ENTPD2: variants seen among roughly 807,000 people sequenced by gnomAD.
ENTPD2 encodes the protein CD39 antigen-like 1.
In ENTPD2, 48 loss-of-function variants were observed where a neutral mutation model predicts 46.8. The observed-to-expected ratio is 1.03, with a 90% confidence interval of 0.81 to 1.30. The LOEUF (loss-of-function observed/expected upper bound fraction) is 1.30, where lower values mean the gene tolerates loss of function less well. Ranked by LOEUF, ENTPD2 falls within the 50% of genes most tolerant of loss-of-function variation. The pLI is 0.00. For missense variants in ENTPD2, 707 were observed against 651.1 expected, an observed-to-expected ratio of 1.09 and a Z score of -0.93; for synonymous variants, 316 against 286.1, an observed-to-expected ratio of 1.10 and a Z score of -1.06.
chr9:137,049,809 C>T, intron 7 of ENTPD2, 61 bp downstream of exon 7: 4 of 1,547,130 alleles, frequency 2.6e-6, no homozygotes, highest in South Asian at 1.2e-5. Flanking sequence ...GCTGGGGAGG[C>T]ATGCGGAGGC....
rs1212911290 is a variant in ENTPD2, at chr9:137,049,669, G to C, written c.1149+201C>G. The C allele has an allele frequency of 8.5e-6, 5 of 587,182 alleles. No individual in the cohort carries two copies. The East Asian group carries it at 1.6e-4, about 19-fold the overall frequency. 36.4% of individuals were successfully genotyped at this position (587,182 alleles called of 1,614,324 possible). ...CAGATCTGGGATGAGGGTCGGGCCTGGCGAAGCTTCTCCAACCCGCCCGAC... is the reference window on the plus strand; with the variant it reads ...CAGATCTGGGATGAGGGTCGGGCCTCGCGAAGCTTCTCCAACCCGCCCGAC... On this transcript the variant is annotated intron_variant, in intron 7 of 8. Coordinates refer to ENST00000355097, the MANE Select transcript of ENTPD2 (RefSeq NM_203468.3).
intron 1 of ENTPD2, 57 bp downstream of exon 1, chr9:137,053,824 C>T: frequency 8.8e-7 from 1 of 1,141,222 alleles, no homozygotes; most frequent in Non-Finnish European, 1.1e-6. Flanking sequence ...ACCCCCTCCC[C>T]GGCTCCAAGC....
At chr9:137,052,436 G>T in intron 1 of ENTPD2, 88 bp from the exon 2 acceptor site, 2 of 1,016,802 alleles carry the variant, frequency 2.0e-6, no homozygotes, top group Non-Finnish European at 2.8e-6. Context: ...CCTCCAGTTT[G>T]CCACCGCTCC....
chr9:137,049,274 TC>T, intron 7 of ENTPD2, 199 bp from the exon 8 acceptor site: 1 of 912,610 alleles, frequency 1.1e-6, no homozygotes, highest in Non-Finnish European at 1.7e-6. Flanking sequence ...CTTCCATCCC[TC>T]CCCAGCCAGC....
At position 137,048,860 on chromosome 9, in the gene ENTPD2, C is replaced by T; in HGVS notation, c.1285G>A (p.Ala429Thr). 3 of 1,533,396 alleles carry T rather than the reference C, an allele frequency of 2.0e-6. No individual in the cohort carries two copies. The highest frequency in any genetic ancestry group is 2.6e-6 in the Non-Finnish European group (3 of 1,142,442). The allele number at this position is 1,533,396 out of a possible 1,614,324, so 95.0% of individuals were successfully genotyped here. ...GCCCAGCCCACTGCAGTGTCCGCGG[C>T]CTGCGGGGAAGGGCGTGGCCTCAGC... ...AFGGVIFQKK[A>T]ADTAVGWALG... is the part of the protein sequence containing the mutation. Residue 429 changes from alanine to threonine, a missense_variant and splice_region_variant, in exon 9 of 9, where the codon GCC becomes ACC. By Grantham distance (58) the Ala-to-Thr change is moderately conservative (BLOSUM62 0). Transcript: ENST00000355097.
At chr9:137,052,632 T>C in intron 1 of ENTPD2, 1 of 293,962 alleles carries the variant, frequency 3.4e-6, no homozygotes, top group Non-Finnish European at 6.6e-6. Context: ...ACTGAGGGAC[T>C]GAGTCAGGGA....
chr9:137,050,477 A>G lies in ENTPD2; in HGVS notation c.836T>C (p.Val279Ala), dbSNP rs1037086545. The G allele has an allele frequency of 1.2e-5, 20 of 1,612,744 alleles. No homozygotes were observed. Among genetic ancestry groups the G allele is most frequent in the African/African-American group, 1.1e-4 (8 of 74,942 alleles). ...GGCCATGGTGCATGGTGACTGGTAC[A>G]CATCCCCGAGCAGCACTTGGGTGGA... is the stretch of plus-strand genomic sequence containing the variant. ...GFSTQVLLGD[V>A]YQSPCTMAQR... is the part of the protein sequence containing the mutation. The change falls in exon 6 of 9, where the codon GTG (valine) becomes GCG (alanine). Residue 279 changes from valine (V) to alanine (A), a missense_variant. By Grantham distance (64) the Val-to-Ala change is moderately conservative. Coordinates refer to ENST00000355097, the MANE Select transcript of ENTPD2 (RefSeq NM_203468.3).
chr9:137,054,035 G>A lies in ENTPD2; in HGVS notation c.-38C>T, dbSNP rs1468559231. 2.6e-6 allele frequency: 3 copies of A among 1,175,866 alleles called. No homozygotes were observed. Among genetic ancestry groups the A allele is most frequent in the Middle Eastern group, 3.3e-4 (1 of 3,030 alleles). 72.8% of individuals were successfully genotyped at this position (1,175,866 alleles called of 1,614,324 possible). A position where few individuals can be genotyped will look rare whatever the true frequency, so the allele number is the denominator to read the frequency against. On this transcript the variant is annotated 5_prime_UTR_variant, in exon 1 of 9. Transcript: ENST00000355097. ...GCGCGGGAGGACGATGCGTGGACCC[G>A]GAGAGTGCGGGGAGCCGGAGGCGGA...
intron 1 of ENTPD2, among the ~76,000 whole-genome samples, chr9:137,053,531 C>A (rs552481409): frequency 6.6e-6 from 1 of 152,236 alleles, no homozygotes; most frequent in African/African-American, 2.4e-5. Flanking sequence ...GGGGCCCGCA[C>A]AGGCCTGGGG....
In ENTPD2 at chr9:137,048,967, AGGCGCGCTC is replaced by A; in HGVS notation, c.1249_1257del (p.Glu417_Ala419del). The A allele has an allele frequency of 6.5e-7, 1 of 1,533,180 alleles. No homozygotes were observed. The highest frequency in any genetic ancestry group is 8.7e-7 in the Non-Finnish European group (1 of 1,142,986). The allele number at this position is 1,533,180 out of a possible 1,614,324, so 95.0% of individuals were successfully genotyped here. A position where few individuals can be genotyped will look rare whatever the true frequency, so the allele number is the denominator to read the frequency against. ...TTCTTCTGGAAGATCACGCCGCCGA[AGGCGCGCTC>A]GTCGAAGCCGTAGCCGCGACTCAGC... On this transcript the variant is annotated inframe_deletion, in exon 8 of 9. Transcript: ENST00000355097.
At chr9:137,048,882 C>G in intron 8 of ENTPD2, 22 bp from the exon 9 acceptor site, 1 of 1,510,902 alleles carries the variant, frequency 6.6e-7, no homozygotes, top group Non-Finnish European at 8.8e-7. Context: ...GGCGTGGCCT[C>G]AGCTCCCGAG....
In ENTPD2 at chr9:137,053,790, G is replaced by A. The variant is rs1156473535; in HGVS notation, c.117+91C>T. 4 of 884,174 alleles carry A rather than the reference G, an allele frequency of 4.5e-6. No homozygotes were observed. In the Admixed American group the frequency reaches 1.3e-4, roughly 29 times the overall value. 54.8% of individuals were successfully genotyped at this position (884,174 alleles called of 1,614,324 possible). On this transcript the variant is annotated intron_variant, in intron 1 of 8. Transcript: ENST00000355097. ...CAGAGCACGGTGGGGGTCCCGGGCTGATCCTGCTCAGGTTCCCAGCCGCAC... is the reference window on the plus strand; with the variant it reads ...CAGAGCACGGTGGGGGTCCCGGGCTAATCCTGCTCAGGTTCCCAGCCGCAC...
rs1832185643 is a variant in ENTPD2 at position 137,048,575 on chromosome 9, A to G, written c.*82T>C. 9.7e-7 allele frequency: 1 copy of G among 1,033,432 alleles called. No individual in the cohort carries two copies. The highest frequency in any genetic ancestry group is 1.3e-6 in the Non-Finnish European group (1 of 781,244). 64.0% of individuals were successfully genotyped at this position (1,033,432 alleles called of 1,614,324 possible). A position where few individuals can be genotyped will look rare whatever the true frequency, so the allele number is the denominator to read the frequency against. ...GGGTGGGGATACAGGGGTGGGAGGT[A>G]CAGGGGTTGTGGGAGGGGTGGGAGT... On this transcript the variant is annotated 3_prime_UTR_variant, in exon 9 of 9. Coordinates refer to ENST00000355097, the MANE Select transcript of ENTPD2 (RefSeq NM_203468.3).
Position 137,051,011 on chromosome 9 carries a change from C to T in ENTPD2, c.665G>A (p.Ser222Asn), listed in dbSNP as rs780800770. ...ETTSPAEDRASEVQLHLYGQH... is the reference protein window; with the variant it reads ...ETTSPAEDRANEVQLHLYGQH... ...GCCGTAGAGATGCAGCTGGACCTCG[C>T]TGGCTCTGTCCTCAGCTGGACTGGT... is the stretch of plus-strand genomic sequence containing the variant. The change falls in exon 5 of 9, where the codon AGC becomes AAC. Residue 222 changes from serine to asparagine, a missense_variant. Physicochemically the swap from Ser to Asn is conservative, Grantham distance 46. Coordinates refer to ENST00000355097, the MANE Select transcript of ENTPD2 (RefSeq NM_203468.3). 1.9e-6 allele frequency: 3 copies of T among 1,612,984 alleles called. No individual in the cohort carries two copies. The South Asian group carries it at 3.3e-5, about 18-fold the overall frequency.
intron 1 of ENTPD2, among the ~76,000 whole-genome samples, chr9:137,053,602 C>A (rs1832344090): frequency 6.6e-6 from 1 of 152,234 alleles, no homozygotes. Flanking sequence ...GGGACACAGC[C>A]CCTGGGCTGC....
At position 137,051,713 on chromosome 9, in the gene ENTPD2, G is replaced by A. The variant is rs1188413989; in HGVS notation, c.236-53C>T. The A allele has an allele frequency of 2.6e-6, 4 of 1,539,456 alleles. No homozygotes were observed. In the Admixed American group the frequency reaches 8.1e-5, roughly 31 times the overall value. On this transcript the variant is annotated intron_variant, in intron 2 of 8. Transcript: ENST00000355097. ...TGCCTCACGGGCAGCCCCTAGGTGGGCCGTAGGCCAGGAGAGTGAGGGTGG... is the reference window on the plus strand; with the variant it reads ...TGCCTCACGGGCAGCCCCTAGGTGGACCGTAGGCCAGGAGAGTGAGGGTGG...
At chr9:137,049,245 G>T in intron 7 of ENTPD2, 170 bp from the exon 8 acceptor site, 1 of 1,149,704 alleles carries the variant, frequency 8.7e-7, no homozygotes, top group Non-Finnish European at 1.3e-6. Context: ...AGTCCGAGGG[G>T]CACCCCCGGC....
chr9:137,052,123 G>T, intron 2 of ENTPD2, 108 bp downstream of exon 2: 2 of 969,540 alleles, frequency 2.1e-6, no homozygotes, highest in South Asian at 3.1e-5. Context: ...TGCCTGGAGT[G>T]AGCCCCACCC....
In ENTPD2 at chr9:137,052,201, G is replaced by A. The variant is rs749352079; in HGVS notation, c.235+30C>T. On this transcript the variant is annotated intron_variant, in intron 2 of 8. Transcript: ENST00000355097. ...GTCCCAGAGACCCTGCAGTGAGTGG[G>A]CGTCCTGGCTGGGCTGGGCTGGGCC... The A allele has an allele frequency of 3.1e-6, 5 of 1,597,912 alleles. No individual in the cohort carries two copies. The Admixed American group carries it at 5.0e-5, about 16-fold the overall frequency.
Sources: gnomAD v4.1 joint callset for allele counts (sites outside exome capture counted in the v4.1 genomes callset) on GRCh38, gnomAD v4.1.1 for gene constraint, MANE v1.5 for transcripts, NCBI Gene and HGNC (gene_info 2026-07-23, HGNC 2026-07-21) for gene names.